The following MTSS1 variants were observed in gnomAD, a reference collection of about 807,000 sequenced individuals.
The protein encoded by MTSS1 is MTSS I-BAR domain containing 1, also known as protein MTSS 1.
Under a neutral mutation model 79.0 loss-of-function variants are expected in MTSS1, and 18 were observed. That is an observed-to-expected ratio of 0.23 (90% confidence interval 0.16 to 0.34). The LOEUF (loss-of-function observed/expected upper bound fraction) is 0.34. Ranked by LOEUF, MTSS1 falls within the 10% of genes least tolerant of loss-of-function variation. The pLI is 1.00. For missense variants in MTSS1, 815 were observed against 986.2 expected, an observed-to-expected ratio of 0.83 and a Z score of 2.33; for synonymous variants, 341 against 368.6, an observed-to-expected ratio of 0.93 and a Z score of 0.86.
At chr8:124,585,823 C>A (rs1473904960) in intron 5 of MTSS1, among the ~76,000 whole-genome samples, 11 of 151,720 alleles carry the variant, frequency 7.3e-5, no homozygotes, top group African/African-American at 2.7e-4. Flanking sequence ...TTTGCAAAAA[C>A]AAAAAAACAA....
chr8:124,654,960 T>C (rs1469281441), intron 3 of MTSS1, among the ~76,000 whole-genome samples: 1 of 152,236 alleles, frequency 6.6e-6, no homozygotes, highest in Non-Finnish European at 1.5e-5. Flanking sequence ...CCGAAACTTC[T>C]AACTAATTTA....
chr8:124,721,116 GAT>G (rs1832848436), intron 1 of MTSS1, among the ~76,000 whole-genome samples: 2 of 152,134 alleles, frequency 1.3e-5, no homozygotes, highest in African/African-American at 4.8e-5. Flanking sequence ...TTCTCTAGAT[GAT>G]ATGTTACAGA....
At chr8:124,573,787 C>T (rs1163309832) in intron 6 of MTSS1, among the ~76,000 whole-genome samples, 1 of 152,206 alleles carries the variant, frequency 6.6e-6, no homozygotes, top group Non-Finnish European at 1.5e-5. Flanking sequence ...TCTTAGGCAT[C>T]TTCAGTCTTG....
chr8:124,620,537 C>G (rs1232329228), intron 3 of MTSS1, among the ~76,000 whole-genome samples: 1 of 152,204 alleles, frequency 6.6e-6, no homozygotes, highest in East Asian at 1.9e-4. Context: ...CCAACATAAA[C>G]CCTGTGTCAG....
intron 3 of MTSS1, among the ~76,000 whole-genome samples, chr8:124,665,307 T>C (rs968350110): frequency 1.3e-5 from 2 of 152,242 alleles, no homozygotes; most frequent in African/African-American, 2.4e-5. Context: ...ATTCTATTTT[T>C]CTCTTCGATT....
At position 124,728,188 on chromosome 8, in the gene MTSS1, C is replaced by T; in HGVS notation, c.-233G>A. Reference sequence around the variant, plus strand: ...AGGGTATTCGCCTACAAGCAGCGCTCGGCTCCTGGCCTTAAAAATGCCGGG... The same window carrying T: ...AGGGTATTCGCCTACAAGCAGCGCTTGGCTCCTGGCCTTAAAAATGCCGGG... On this transcript the variant is annotated 5_prime_UTR_variant, in exon 1 of 14. Transcript: ENST00000518547. The surrounding 1 kb of genome is among the most constrained non-coding windows in gnomAD (Gnocchi z 6.1). The T allele has an allele frequency of 2.5e-6, 1 of 393,658 alleles. No individual in the cohort carries two copies. The highest frequency in any genetic ancestry group is 4.5e-6 in the Non-Finnish European group (1 of 221,768). The allele number at this position is 393,658 out of a possible 1,614,324, so 24.4% of individuals were successfully genotyped here. A position where few individuals can be genotyped will look rare whatever the true frequency, so the allele number is the denominator to read the frequency against.
intron 3 of MTSS1, among the ~76,000 whole-genome samples, chr8:124,637,869 C>T (rs1020289630): frequency 6.6e-6 from 1 of 152,216 alleles, no homozygotes; most frequent in African/African-American, 2.4e-5. Flanking sequence ...GTAAAAGTTG[C>T]TATGGGAACA....
At position 124,567,198 on chromosome 8, in the gene MTSS1, T is replaced by G; in HGVS notation, c.619-20A>C. 3 of 1,541,936 alleles carry G rather than the reference T, an allele frequency of 1.9e-6. No individual in the cohort carries two copies. Among genetic ancestry groups the G allele is most frequent in the Non-Finnish European group, 2.7e-6 (3 of 1,114,298 alleles). ...TTCTTCCTGAAGGAAAAGTCATTCA[T>G]GAAATGTTATTATCATGAGTGATTC... On this transcript the variant is annotated intron_variant, in intron 7 of 13. Transcript: ENST00000518547.
rs906095650 is a variant in MTSS1 at position 124,697,560 on chromosome 8, C to CA, written c.208+1965dup. ...TGAGAGACAGAGCGAGATTCTGTCT[C>CA]AAAAAAAAACAAAAAACAAACAAAC... On this transcript the variant is annotated intron_variant, in intron 3 of 13. Coordinates refer to ENST00000518547, the MANE Select transcript of MTSS1 (RefSeq NM_014751.6). Among the ~76,000 whole-genome samples, 26 of 135,826 alleles carry CA rather than the reference C, an allele frequency of 1.9e-4. 1 individual carries two copies. The highest frequency in any genetic ancestry group is 3.3e-4 in the African/African-American group (12 of 36,694). 89.1% of individuals were successfully genotyped at this position (135,826 alleles called of 152,430 possible). A position where few individuals can be genotyped will look rare whatever the true frequency, so the allele number is the denominator to read the frequency against.
Position 124,667,725 on chromosome 8 carries a change from T to C in MTSS1, c.208+31801A>G, listed in dbSNP as rs1044137404. Among the ~76,000 whole-genome samples the C allele has an allele frequency of 2.6e-5, 4 of 152,130 alleles. No homozygotes were observed. The South Asian group carries it at 6.2e-4, about 24-fold the overall frequency. ...TTCAGACATGTGAGGAAACTGGGAC[T>C]TAAAAAGCATCTGCAGTTGGCAAGG... On this transcript the variant is annotated intron_variant, in intron 3 of 13. Coordinates refer to ENST00000518547, the MANE Select transcript of MTSS1 (RefSeq NM_014751.6).
chr8:124,708,874 A>T (rs901442942), intron 1 of MTSS1, among the ~76,000 whole-genome samples: 3 of 152,028 alleles, frequency 2.0e-5, no homozygotes, highest in Admixed American at 2.0e-4. Flanking sequence ...AATAGATTCT[A>T]AAAAAAGAAA....
At chr8:124,686,743 A>G (rs949817220) in intron 3 of MTSS1, among the ~76,000 whole-genome samples, 3 of 152,118 alleles carry the variant, frequency 2.0e-5, no homozygotes, top group Non-Finnish European at 2.9e-5. Flanking sequence ...CTCACAACTA[A>G]TATTTATCCA....
intron 3 of MTSS1, among the ~76,000 whole-genome samples, chr8:124,653,065 C>T (rs1341704103): frequency 1.3e-5 from 2 of 152,234 alleles, no homozygotes; most frequent in African/African-American, 4.8e-5. Context: ...CAAACATATT[C>T]ACTTCCGTGG....
chr8:124,638,303 C>T lies in MTSS1; in HGVS notation c.209-47068G>A, dbSNP rs375395213. Among the ~76,000 whole-genome samples, 14 of 152,304 alleles carry T rather than the reference C, an allele frequency of 9.2e-5. No individual in the cohort carries two copies. In the East Asian group the frequency reaches 1.5e-3, roughly 17 times the overall value. On this transcript the variant is annotated intron_variant, in intron 3 of 13. Transcript: ENST00000518547. Reference sequence around the variant, plus strand: ...AGGAAACTGCAGTTCAATTGTTAAGCGTCTCTCTCTTCAACCCATGGAGCT... The same window carrying T: ...AGGAAACTGCAGTTCAATTGTTAAGTGTCTCTCTCTTCAACCCATGGAGCT...
At chr8:124,662,070 T>C (rs1822146603) in intron 3 of MTSS1, among the ~76,000 whole-genome samples, 1 of 152,178 alleles carries the variant, frequency 6.6e-6, no homozygotes, top group South Asian at 2.1e-4. Flanking sequence ...CTCTTTAGCC[T>C]GAAAGTTAAT....
chr8:124,633,788 A>C (rs1023194042), intron 3 of MTSS1, among the ~76,000 whole-genome samples: 2 of 151,470 alleles, frequency 1.3e-5, no homozygotes, highest in African/African-American at 2.4e-5. Flanking sequence ...AAAAAAACCA[A>C]CAACAACAAA....
chr8:124,703,584 C>G (rs1334043326), intron 2 of MTSS1, among the ~76,000 whole-genome samples: 2 of 152,208 alleles, frequency 1.3e-5, no homozygotes, highest in African/African-American at 4.8e-5. Flanking sequence ...AGCCACCACA[C>G]CCAGCCAACA....
intron 3 of MTSS1, among the ~76,000 whole-genome samples, chr8:124,603,241 G>A (rs1834234919): frequency 6.6e-6 from 1 of 152,178 alleles, no homozygotes; most frequent in Admixed American, 6.5e-5. Flanking sequence ...GGCTAGGCTG[G>A]TCTCGAACTC....
rs1830240145 is a variant in MTSS1, at chr8:124,582,633, A to G, written c.460+2454T>C. On this transcript the variant is annotated intron_variant, in intron 6 of 13. Transcript: ENST00000518547. This position sits in a 1 kb window ranked among gnomAD's most constrained non-coding sequence, Gnocchi z 4.8. ...TCCGTCTATCAGGACAAAAAAAAAA[A>G]TGTATCCAAAACCTTCATCCATCCG... Among the ~76,000 whole-genome samples, 1 of 152,096 alleles carries G rather than the reference A, an allele frequency of 6.6e-6. No homozygotes were observed. The highest frequency in any genetic ancestry group is 2.4e-5 in the African/African-American group (1 of 41,414).
Sources: gnomAD v4.1 joint callset for allele counts (sites outside exome capture counted in the v4.1 genomes callset) on GRCh38, gnomAD v4.1.1 for gene constraint, Gnocchi (gnomAD v3.1) non-coding constraint, MANE v1.5 for transcripts, NCBI Gene and HGNC (gene_info 2026-07-23, HGNC 2026-07-21) for gene names.